The following CEP85L variants were observed in gnomAD, a reference collection of about 807,000 sequenced individuals.
CEP85L encodes the protein centrosomal protein 85L.
CEP85L carries 60 observed loss-of-function variants against 100.3 expected under a neutral mutation model. The ratio of observed to expected loss-of-function variants is 0.60; its 90% CI spans 0.49 to 0.74. The LOEUF is 0.74. Among genes scored for constraint, CEP85L ranks in the 30% least tolerant of loss-of-function variants. The pLI is 0.00. For synonymous variants in CEP85L, 319 were observed against 322.7 expected (o/e 0.99, Z 0.12); for missense variants, 973 against 936.2 (o/e 1.04, Z -0.51).
At chr6:118,613,278 C>G (rs1237133860) in intron 2 of CEP85L, among the ~76,000 whole-genome samples, 1 of 152,020 alleles carries the variant, frequency 6.6e-6, no homozygotes, top group Admixed American at 6.5e-5. Context: ...CTGCAGACAT[C>G]TAACAAATAA....
chr6:118,655,010 G>T (rs1775739880), upstream of CEP85L, among the ~76,000 whole-genome samples: 1 of 152,100 alleles, frequency 6.6e-6, no homozygotes. Flanking sequence ...GACCCTTTGG[G>T]GTTACTAATT....
At chr6:118,502,359 T>G in intron 5 of CEP85L, 1 of 530,094 alleles carries the variant, frequency 1.9e-6, no homozygotes, top group Admixed American at 2.8e-5. Flanking sequence ...ATGCCAAGAT[T>G]ACCCATATGT....
intron 3 of CEP85L, among the ~76,000 whole-genome samples, chr6:118,537,202 A>G (rs1777645350): frequency 6.6e-6 from 1 of 152,182 alleles, no homozygotes; most frequent in African/African-American, 2.4e-5. Flanking sequence ...CATATAATTT[A>G]TAACTTATTA....
intron 2 of CEP85L, among the ~76,000 whole-genome samples, chr6:118,567,636 A>T (rs1202633918): frequency 6.6e-6 from 1 of 152,086 alleles, no homozygotes; most frequent in African/African-American, 2.4e-5. Flanking sequence ...AGCGATGGAG[A>T]CCTTTGCAAT....
At chr6:118,638,562 T>C (rs150677678) in intron 1 of CEP85L, among the ~76,000 whole-genome samples, 93 of 148,294 alleles carry the variant, frequency 6.3e-4, no homozygotes, top group Middle Eastern at 3.4e-3. Flanking sequence ...AATATTGATA[T>C]CTAGTATGCA....
intron 6 of CEP85L, 31 bp downstream of exon 6, chr6:118,491,655 G>T: frequency 6.3e-7 from 1 of 1,592,310 alleles, no homozygotes; most frequent in South Asian, 1.1e-5. Flanking sequence ...AAATGTTGTT[G>T]ACCTAATTCA....
chr6:118,581,415 CCT>C (rs1309617169), intron 2 of CEP85L, among the ~76,000 whole-genome samples: 1 of 152,000 alleles, frequency 6.6e-6, no homozygotes, highest in East Asian at 1.9e-4. Context: ...CACAGTTTTC[CCT>C]GAGATCCATT....
intron 5 of CEP85L, among the ~76,000 whole-genome samples, chr6:118,499,561 G>A (rs1356005409): frequency 1.3e-5 from 2 of 152,084 alleles, no homozygotes; most frequent in African/African-American, 4.8e-5. Context: ...CTACTCGGGA[G>A]GCTGAGGCAG....
At chr6:118,550,043 T>TA (rs545006735) in intron 3 of CEP85L, among the ~76,000 whole-genome samples, 101 of 151,920 alleles carry the variant, frequency 6.6e-4, no homozygotes, top group African/African-American at 2.1e-3. Flanking sequence ...AAGTAAGTGC[T>TA]AAAAAAAGTG....
intron 2 of CEP85L, among the ~76,000 whole-genome samples, chr6:118,575,521 C>A (rs1780172418): frequency 6.6e-6 from 1 of 152,306 alleles, no homozygotes; most frequent in Non-Finnish European, 1.5e-5. Flanking sequence ...AAGCCAGAAA[C>A]TACTTACCCT....
At chr6:118,585,893 T>A (rs1269455686) in intron 2 of CEP85L, among the ~76,000 whole-genome samples, 2 of 152,178 alleles carry the variant, frequency 1.3e-5, no homozygotes, top group Non-Finnish European at 2.9e-5. Flanking sequence ...CAAAGGGCAT[T>A]CAATACCTGC....
intron 3 of CEP85L, among the ~76,000 whole-genome samples, chr6:118,562,116 T>C (rs1428343470): frequency 6.6e-6 from 1 of 152,194 alleles, no homozygotes; most frequent in Non-Finnish European, 1.5e-5. Context: ...AACTACCTAA[T>C]GAATGTGTCA....
At chr6:118,605,707 T>C (rs1009866159) in intron 2 of CEP85L, among the ~76,000 whole-genome samples, 2 of 149,536 alleles carry the variant, frequency 1.3e-5, no homozygotes, top group South Asian at 2.1e-4. Context: ...GGGCCTCTCA[T>C]GTGTGCATTA....
chr6:118,635,840 C>T (rs1583204544), intron 1 of CEP85L, among the ~76,000 whole-genome samples: 1 of 152,218 alleles, frequency 6.6e-6, no homozygotes, highest in Admixed American at 6.5e-5. Context: ...CACTCTCTCT[C>T]CACTCACTCA....
At chr6:118,584,223 A>T (rs902378400) in intron 2 of CEP85L, among the ~76,000 whole-genome samples, 10 of 152,346 alleles carry the variant, frequency 6.6e-5, no homozygotes, top group Middle Eastern at 3.4e-3. Context: ...AACAGAGAAT[A>T]TAAAGTTTCA....
intron 10 of CEP85L, among the ~76,000 whole-genome samples, chr6:118,476,461 C>T (rs894555348): frequency 3.3e-5 from 5 of 151,950 alleles, no homozygotes; most frequent in Non-Finnish European, 7.4e-5. Flanking sequence ...AGACATAACA[C>T]AATTCGGATA....
At chr6:118,647,149 T>G in intron 1 of CEP85L, 1 of 771,300 alleles carries the variant, frequency 1.3e-6, no homozygotes, top group Non-Finnish European at 1.6e-6. Context: ...AAAACAATAT[T>G]ATTAGTTGTA....
chr6:118,672,498 G>A (rs1776339043), intron 1 of CEP85L, among the ~76,000 whole-genome samples: 1 of 152,144 alleles, frequency 6.6e-6, no homozygotes, highest in Non-Finnish European at 1.5e-5. Flanking sequence ...CAGCCATTGT[G>A]GCTCACATCT....
intron 2 of CEP85L, among the ~76,000 whole-genome samples, chr6:118,632,076 G>A (rs370609856): frequency 6.6e-6 from 1 of 152,064 alleles, no homozygotes; most frequent in Non-Finnish European, 1.5e-5. Flanking sequence ...TGCAAGCTCC[G>A]CCTCCTGGGT....
Sources: gnomAD v4.1 joint callset for allele counts (sites outside exome capture counted in the v4.1 genomes callset) on GRCh38, gnomAD v4.1.1 for gene constraint, MANE v1.5 for transcripts, NCBI Gene and HGNC (gene_info 2026-07-23, HGNC 2026-07-21) for gene names.